The following ABCB5 variants were observed in gnomAD, a reference collection of about 807,000 sequenced individuals.
ABCB5 encodes the protein ATP binding cassette subfamily B member 5.
In ABCB5, 155 loss-of-function variants were observed where a neutral mutation model predicts 144.2. The observed-to-expected ratio is 1.08, with a 90% CI of 0.94 to 1.23. ABCB5 has a LOEUF of 1.23. ABCB5 is among the 50% of genes most tolerant of loss of function. ABCB5 has a pLI of 0.00. For synonymous variants in ABCB5, 610 were observed against 528.6 expected (o/e 1.15, Z -2.11); for missense variants, 1,830 against 1,520.8 (o/e 1.20, Z -3.38).
intron 14 of ABCB5, among the ~76,000 whole-genome samples, chr7:20,670,883 C>T (rs1425885371): frequency 6.6e-6 from 1 of 151,826 alleles, no homozygotes; most frequent in Non-Finnish European, 1.5e-5. Context: ...CACTCCAGCC[C>T]GGGCAACAAG....
At chr7:20,680,873 T>G (rs1785770215) in intron 14 of ABCB5, among the ~76,000 whole-genome samples, 1 of 152,170 alleles carries the variant, frequency 6.6e-6, no homozygotes, top group Non-Finnish European at 1.5e-5. Flanking sequence ...CTTATTCTAT[T>G]AAAGTTTCCA....
intron 13 of ABCB5, among the ~76,000 whole-genome samples, chr7:20,652,969 T>C (rs1013322622): frequency 6.6e-6 from 1 of 152,260 alleles, no homozygotes; most frequent in African/African-American, 2.4e-5. Context: ...TAATTGTCTC[T>C]TGTCCCCATT....
chr7:20,731,967 C>G (rs188464470), intron 23 of ABCB5, among the ~76,000 whole-genome samples: 1 of 152,164 alleles, frequency 6.6e-6, no homozygotes. Context: ...ATGCACAAAT[C>G]CAATAGCACC....
At chr7:20,655,463 A>C (rs1209630402) in intron 13 of ABCB5, among the ~76,000 whole-genome samples, 1 of 146,696 alleles carries the variant, frequency 6.8e-6, no homozygotes, top group East Asian at 1.9e-4. Context: ...ACAGAGCAAG[A>C]CTCTGCTCCC....
intron 13 of ABCB5, among the ~76,000 whole-genome samples, chr7:20,656,572 A>C (rs1231406942): frequency 6.6e-6 from 1 of 152,204 alleles, no homozygotes; most frequent in Non-Finnish European, 1.5e-5. Context: ...ACCATTTTAC[A>C]CTCTTAGAAT....
At chr7:20,624,789 G>C (rs891904012) in intron 2 of ABCB5, among the ~76,000 whole-genome samples, 1 of 152,172 alleles carries the variant, frequency 6.6e-6, no homozygotes, top group Non-Finnish European at 1.5e-5. Flanking sequence ...CCAGCAACGG[G>C]CACGCTAGGA....
chr7:20,727,015 A>G lies in ABCB5; in HGVS notation c.2626-25A>G, dbSNP rs368145894. The G allele has an allele frequency of 3.2e-5, 49 of 1,517,690 alleles. No individual in the cohort carries two copies. In the African/African-American group the frequency reaches 5.6e-4, roughly 17 times the overall value. The allele number at this position is 1,517,690 out of a possible 1,614,324, so 94.0% of individuals were successfully genotyped here. On this transcript the variant is annotated intron_variant, in intron 21 of 27. Transcript: ENST00000404938. ...ATTAACCATTACTAATTTTATTTCT[A>G]TATTGTATTGTCCTGTTTTATAAGA...
chr7:20,636,492 T>C (rs2128020773), intron 5 of ABCB5, among the ~76,000 whole-genome samples: 1 of 152,122 alleles, frequency 6.6e-6, no homozygotes, highest in East Asian at 1.9e-4. Flanking sequence ...TAATAAGAAA[T>C]TTATTACTGA....
At chr7:20,726,627 A>C (rs1057004228) in intron 21 of ABCB5, among the ~76,000 whole-genome samples, 3 of 152,136 alleles carry the variant, frequency 2.0e-5, no homozygotes, top group Non-Finnish European at 4.4e-5. Flanking sequence ...TTGGCCTCCC[A>C]AAGTACTGGG....
At chr7:20,728,217 T>A in intron 22 of ABCB5, 98 bp from the exon 23 acceptor site, 1 of 1,382,580 alleles carries the variant, frequency 7.2e-7, no homozygotes, top group South Asian at 1.6e-5. Flanking sequence ...CACCAAATTA[T>A]AACATTTCAA....
At chr7:20,635,474 A>C (rs531492285) in intron 5 of ABCB5, among the ~76,000 whole-genome samples, 1 of 151,618 alleles carries the variant, frequency 6.6e-6, no homozygotes, top group African/African-American at 2.4e-5. Flanking sequence ...TAGAAATTGC[A>C]TTGAATGTAT....
Position 20,650,838 on chromosome 7 carries a change from A to G in ABCB5, c.1333-582A>G, listed in dbSNP as rs1784560718. ...TATGTGTATAAAAGAGTTGCATAGAATATCCATGCCCTGACAGAAAACAAG... is the reference window on the plus strand; with the variant it reads ...TATGTGTATAAAAGAGTTGCATAGAGTATCCATGCCCTGACAGAAAACAAG... On this transcript the variant is annotated intron_variant, in intron 12 of 27. Transcript: ENST00000404938. Among the ~76,000 whole-genome samples, 3 of 152,204 alleles carry G rather than the reference A, an allele frequency of 2.0e-5. No individual in the cohort carries two copies. The South Asian group carries it at 6.2e-4, about 31-fold the overall frequency.
At chr7:20,690,579 G>C (rs1786184419) in intron 16 of ABCB5, among the ~76,000 whole-genome samples, 1 of 152,186 alleles carries the variant, frequency 6.6e-6, no homozygotes, top group South Asian at 2.1e-4. Flanking sequence ...TGTGGCTACA[G>C]TTTGGAGAAC....
intron 16 of ABCB5, 27 bp from the exon 17 acceptor site, chr7:20,698,380 T>C: frequency 6.5e-7 from 1 of 1,546,332 alleles, no homozygotes; most frequent in Non-Finnish European, 8.7e-7. Flanking sequence ...CAAACTGGCA[T>C]TTTTAACCAA....
chr7:20,747,486 G>A (rs927728353), intron 26 of ABCB5, among the ~76,000 whole-genome samples: 3 of 152,094 alleles, frequency 2.0e-5, no homozygotes, highest in Non-Finnish European at 2.9e-5. Context: ...TCAAGCTCCT[G>A]GGCTCAAGCA....
At chr7:20,688,158 A>G (rs1786065004) in intron 16 of ABCB5, among the ~76,000 whole-genome samples, 1 of 152,192 alleles carries the variant, frequency 6.6e-6, no homozygotes, top group South Asian at 2.1e-4. Flanking sequence ...ATGCCACTGC[A>G]CTCCAGCCTG....
intron 14 of ABCB5, chr7:20,659,323 C>A: frequency 7.1e-7 from 1 of 1,401,116 alleles, no homozygotes; most frequent in East Asian, 2.5e-5. Context: ...CCTTATAAAC[C>A]AGAGCCTTCA....
rs1214024146 is a variant in ABCB5 at position 20,645,974 on chromosome 7, C to G, written c.817C>G (p.Leu273Val). 1 of 1,613,498 alleles carries G rather than the reference C, an allele frequency of 6.2e-7. No homozygotes were observed. The highest frequency in any genetic ancestry group is 2.2e-5 in the East Asian group (1 of 44,874). The change falls in exon 9 of 28, where the codon CTC (leucine) becomes GTC (valine). Residue 273 changes from leucine to valine, a missense_variant. By Grantham distance (32) the Leu-to-Val change is conservative. Transcript: ENST00000404938. The part of the protein sequence containing the change: ...EKELQRYTQN[L>V]KDAKDFGIKR... Reference sequence around the variant, plus strand: ...TGTTTTTGTAAGGTATACACAGAATCTCAAAGATGCAAAGGATTTTGGCAT... The same window carrying G: ...TGTTTTTGTAAGGTATACACAGAATGTCAAAGATGCAAAGGATTTTGGCAT...
At chr7:20,699,661 C>T (rs185928516) in intron 17 of ABCB5, among the ~76,000 whole-genome samples, 164 bp from the exon 18 acceptor site, 69 of 151,610 alleles carry the variant, frequency 4.6e-4, no homozygotes, top group African/African-American at 1.5e-3. Context: ...AGACTGAGAT[C>T]GCAACACTGC....
Sources: gnomAD v4.1 joint callset for allele counts (sites outside exome capture counted in the v4.1 genomes callset) on GRCh38, gnomAD v4.1.1 for gene constraint, MANE v1.5 for transcripts, NCBI Gene and HGNC (gene_info 2026-07-23, HGNC 2026-07-21) for gene names.